SORCS1: variants seen among roughly 807,000 people sequenced by gnomAD.
The protein encoded by SORCS1 is sortilin related VPS10 domain containing receptor 1.
Under a neutral mutation model 146.1 loss-of-function variants are expected in SORCS1, and 60 were observed. That is an observed-to-expected ratio of 0.41 (90% CI 0.33 to 0.51). The LOEUF (loss-of-function observed/expected upper bound fraction) is 0.51. Among genes scored for constraint, SORCS1 ranks in the 20% least tolerant of loss-of-function variants. SORCS1 has a pLI of 0.21. For synonymous variants in SORCS1, 637 were observed against 584.0 expected (o/e 1.09, Z -1.31); for missense variants, 1,352 against 1,487.6 (o/e 0.91, Z 1.50).
chr10:107,028,769 A>G (rs533984510), intron 1 of SORCS1, among the ~76,000 whole-genome samples: 1 of 152,282 alleles, frequency 6.6e-6, no homozygotes, highest in African/African-American at 2.4e-5. Context: ...TTTCATCTGT[A>G]AGCAATTCAG....
At chr10:106,712,056 A>G (rs996745962) in intron 6 of SORCS1, among the ~76,000 whole-genome samples, 11 of 152,172 alleles carry the variant, frequency 7.2e-5, no homozygotes, top group South Asian at 2.1e-4. Flanking sequence ...ATGCTAACCA[A>G]TGTTCCATCT....
intron 5 of SORCS1, among the ~76,000 whole-genome samples, chr10:106,731,629 T>C (rs1856606192): frequency 6.6e-6 from 1 of 152,174 alleles, no homozygotes; most frequent in South Asian, 2.1e-4. Flanking sequence ...TTGTTATAAA[T>C]CCTGTAAGGT....
intron 1 of SORCS1, among the ~76,000 whole-genome samples, chr10:107,076,257 C>T (rs1186484685): frequency 1.3e-5 from 2 of 152,144 alleles, no homozygotes; most frequent in Non-Finnish European, 1.5e-5. Flanking sequence ...GTACTATAGC[C>T]TTCTTGGTGA....
intron 1 of SORCS1, among the ~76,000 whole-genome samples, chr10:107,047,399 C>T (rs1314591487): frequency 6.6e-6 from 1 of 152,164 alleles, no homozygotes; most frequent in Non-Finnish European, 1.5e-5. Context: ...GCAACCCTTT[C>T]CACTTTAAGA....
chr10:106,632,798 T>C (rs1282249142), intron 18 of SORCS1, among the ~76,000 whole-genome samples: 1 of 152,194 alleles, frequency 6.6e-6, no homozygotes, highest in Admixed American at 6.5e-5. Context: ...TTTTGTAATA[T>C]GCAGGACTGG....
chr10:106,825,153 G>C (rs548657927), intron 3 of SORCS1, among the ~76,000 whole-genome samples: 4 of 152,014 alleles, frequency 2.6e-5, no homozygotes, highest in Non-Finnish European at 5.9e-5. Flanking sequence ...GCTTGGGTTA[G>C]TTGGGGGTGA....
chr10:106,944,749 T>C (rs1374635630), intron 2 of SORCS1, among the ~76,000 whole-genome samples: 1 of 151,882 alleles, frequency 6.6e-6, no homozygotes, highest in Admixed American at 6.6e-5. Context: ...CCTCAGCGAG[T>C]TTATATTTTA....
At chr10:106,640,949 G>A (rs1261588521) in intron 18 of SORCS1, among the ~76,000 whole-genome samples, 1 of 152,108 alleles carries the variant, frequency 6.6e-6, no homozygotes, top group Non-Finnish European at 1.5e-5. Context: ...TATTTTTAAG[G>A]CCATAATGAT....
the SORCS1 span, among the ~76,000 whole-genome samples, chr10:107,175,384 G>C: frequency 9.9e-5 from 15 of 152,086 alleles, no homozygotes; most frequent in Admixed American, 9.2e-4. Flanking sequence ...CTTGGATCTG[G>C]AGTTTACTTT....
intron 2 of SORCS1, among the ~76,000 whole-genome samples, chr10:106,876,459 G>C (rs1416169274): frequency 6.6e-6 from 1 of 152,158 alleles, no homozygotes; most frequent in Non-Finnish European, 1.5e-5. Flanking sequence ...TCAAGCACAG[G>C]ATCTAGAGAT....
chr10:106,815,094 G>A (rs1438414331), intron 3 of SORCS1, among the ~76,000 whole-genome samples: 1 of 151,740 alleles, frequency 6.6e-6, no homozygotes, highest in Non-Finnish European at 1.5e-5. Context: ...CGAGTAGCTG[G>A]GATACAGGTG....
chr10:106,958,139 A>G (rs150639455), intron 1 of SORCS1, among the ~76,000 whole-genome samples: 24 of 152,374 alleles, frequency 1.6e-4, no homozygotes, highest in Admixed American at 3.9e-4. Context: ...AAGATTCCAC[A>G]GAGCAGTGTG....
At chr10:107,145,191 G>T (rs1469479868) in intron 1 of SORCS1, among the ~76,000 whole-genome samples, 1 of 152,168 alleles carries the variant, frequency 6.6e-6, no homozygotes, top group Non-Finnish European at 1.5e-5. Flanking sequence ...CAGAGTGTTT[G>T]GTAGGAAAGT....
chr10:106,854,191 C>A (rs903780922), intron 2 of SORCS1, among the ~76,000 whole-genome samples: 1 of 152,046 alleles, frequency 6.6e-6, no homozygotes, highest in Admixed American at 6.5e-5. Context: ...TCCCCTTTAT[C>A]ATTATGTAAT....
upstream of SORCS1, among the ~76,000 whole-genome samples, chr10:107,168,662 A>G (rs1297847732): frequency 8.3e-6 from 1 of 120,720 alleles, no homozygotes; most frequent in Non-Finnish European, 1.7e-5. Context: ...GTACCAGCTC[A>G]TGCCTTTTTT....
intron 1 of SORCS1, among the ~76,000 whole-genome samples, chr10:107,090,070 A>G (rs1014984847): frequency 6.6e-6 from 1 of 152,196 alleles, no homozygotes. Flanking sequence ...ATAGAATGAA[A>G]GAAGGTGGAG....
chr10:107,131,423 T>C (rs990114782), intron 1 of SORCS1, among the ~76,000 whole-genome samples: 4 of 152,230 alleles, frequency 2.6e-5, no homozygotes, highest in African/African-American at 9.6e-5. Context: ...GCATTTTGGA[T>C]GAAAGCCTCT....
intron 2 of SORCS1, among the ~76,000 whole-genome samples, chr10:106,915,935 G>T (rs1952403103): frequency 6.6e-6 from 1 of 152,138 alleles, no homozygotes; most frequent in African/African-American, 2.4e-5. Flanking sequence ...AAAGCCAATT[G>T]ATAAGAAAGG....
intron 1 of SORCS1, among the ~76,000 whole-genome samples, chr10:107,133,982 A>C (rs1468704100): frequency 6.6e-6 from 1 of 152,234 alleles, no homozygotes; most frequent in Non-Finnish European, 1.5e-5. Flanking sequence ...AAACTTTGCC[A>C]CAAATTGCTG....
Sources: allele counts gnomAD v4.1 joint callset (sites outside exome capture counted in the v4.1 genomes callset), GRCh38; gene constraint gnomAD v4.1.1; transcripts MANE v1.5; gene names NCBI Gene and HGNC (gene_info 2026-07-23, HGNC 2026-07-21).